PTPRG: variants seen among roughly 807,000 people sequenced by gnomAD.
The protein encoded by PTPRG is protein tyrosine phosphatase receptor type G.
A neutral mutation model predicts 165.3 loss-of-function variants in PTPRG; 102 were observed. The ratio of observed to expected loss-of-function variants is 0.62; its 90% CI spans 0.53 to 0.73. PTPRG has a LOEUF of 0.73. PTPRG is among the 30% of genes least tolerant of loss of function. PTPRG has a pLI of 0.00. For synonymous variants in PTPRG, 675 were observed against 669.5 expected (o/e 1.01, Z -0.13); for missense variants, 1,866 against 1,861.4 (o/e 1.00, Z -0.05).
chr3:62,157,358 C>A, intron 7 of PTPRG, 134 bp downstream of exon 7: 1 of 930,576 alleles, frequency 1.1e-6, no homozygotes, highest in Non-Finnish European at 1.5e-6. Context: ...TGCAGTCTTT[C>A]CCACAAACAT....
intron 4 of PTPRG, among the ~76,000 whole-genome samples, chr3:62,037,362 C>T (rs1039104101): frequency 1.3e-5 from 2 of 152,182 alleles, no homozygotes; most frequent in Admixed American, 6.5e-5. Context: ...TCATTTCTTA[C>T]CTTTAATCTA....
chr3:61,811,804 C>T (rs975446441), intron 2 of PTPRG, among the ~76,000 whole-genome samples: 5 of 152,100 alleles, frequency 3.3e-5, no homozygotes, highest in Non-Finnish European at 7.4e-5. Flanking sequence ...ATAAAAATTC[C>T]CTCAAGAGTG....
chr3:62,095,919 C>G (rs1702092996), intron 5 of PTPRG, among the ~76,000 whole-genome samples: 1 of 152,088 alleles, frequency 6.6e-6, no homozygotes. Context: ...AGAAAGCCCT[C>G]AAGGCTCAAG....
intron 2 of PTPRG, among the ~76,000 whole-genome samples, chr3:61,954,639 G>C (rs1049177712): frequency 6.6e-6 from 1 of 152,136 alleles, no homozygotes. Flanking sequence ...CGAAGCCAGG[G>C]GGAGAATTTA....
At chr3:61,962,148 C>T (rs1370635748) in intron 2 of PTPRG, among the ~76,000 whole-genome samples, 1 of 152,106 alleles carries the variant, frequency 6.6e-6, no homozygotes, top group African/African-American at 2.4e-5. Context: ...CTTCTCTAAG[C>T]CTAAGAAATA....
At chr3:62,037,002 C>CACACAG (rs1699966957) in intron 4 of PTPRG, among the ~76,000 whole-genome samples, 1 of 151,880 alleles carries the variant, frequency 6.6e-6, no homozygotes, top group South Asian at 2.1e-4. Context: ...CACACACACA[C>CACACAG]ACACACAGTG....
At chr3:61,883,862 C>A (rs1287004525) in intron 2 of PTPRG, among the ~76,000 whole-genome samples, 1 of 152,096 alleles carries the variant, frequency 6.6e-6, no homozygotes, top group Non-Finnish European at 1.5e-5. Context: ...TAGGCATGTA[C>A]CAGCATACCT....
At chr3:61,721,558 T>C (rs1358148121) in intron 1 of PTPRG, among the ~76,000 whole-genome samples, 1 of 152,222 alleles carries the variant, frequency 6.6e-6, no homozygotes, top group African/African-American at 2.4e-5. Flanking sequence ...TGGAATATTA[T>C]ACAATAATTT....
chr3:61,578,367 A>G (rs566904114), intron 1 of PTPRG, among the ~76,000 whole-genome samples: 5 of 152,310 alleles, frequency 3.3e-5, no homozygotes, highest in African/African-American at 1.2e-4. Flanking sequence ...TTATAATTTC[A>G]TGTATTTCAT....
chr3:62,201,084 C>A (rs1020862885), intron 10 of PTPRG, among the ~76,000 whole-genome samples: 1 of 152,092 alleles, frequency 6.6e-6, no homozygotes, highest in African/African-American at 2.4e-5. Context: ...ACAGGTACAC[C>A]TTTTCTCTAG....
chr3:62,146,001 T>G (rs1704106509), intron 6 of PTPRG, among the ~76,000 whole-genome samples: 1 of 152,210 alleles, frequency 6.6e-6, no homozygotes. Flanking sequence ...GGTCATTGAC[T>G]GAGCATCAAA....
intron 1 of PTPRG, among the ~76,000 whole-genome samples, chr3:61,670,319 A>G (rs1021510983): frequency 2.0e-5 from 3 of 152,192 alleles, no homozygotes; most frequent in African/African-American, 7.2e-5. Flanking sequence ...TCAGGCCAGC[A>G]AGGTGTCATC....
chr3:61,737,573 C>G (rs2032765344), intron 1 of PTPRG, among the ~76,000 whole-genome samples: 1 of 152,106 alleles, frequency 6.6e-6, no homozygotes. Context: ...GAGTGGCTGA[C>G]CAGCTAGGGT....
chr3:62,157,649 C>T (rs1704590198), intron 7 of PTPRG, among the ~76,000 whole-genome samples: 1 of 152,138 alleles, frequency 6.6e-6, no homozygotes. Flanking sequence ...AGGTGCTGTG[C>T]ATACCCCCAT....
At chr3:62,168,695 C>T (rs1213304518) in intron 8 of PTPRG, among the ~76,000 whole-genome samples, 1 of 152,132 alleles carries the variant, frequency 6.6e-6, no homozygotes, top group Non-Finnish European at 1.5e-5. Context: ...GGGGCTCTGG[C>T]ACTAGGGTTA....
intron 1 of PTPRG, among the ~76,000 whole-genome samples, chr3:61,718,383 A>AATGCC (rs2031907124): frequency 6.6e-6 from 1 of 152,170 alleles, no homozygotes; most frequent in Non-Finnish European, 1.5e-5. Context: ...TGAATGGAAA[A>AATGCC]ATGCCAGGTT....
chr3:61,627,011 GA>G (rs955188613), intron 1 of PTPRG, among the ~76,000 whole-genome samples: 2 of 152,158 alleles, frequency 1.3e-5, no homozygotes, highest in African/African-American at 4.8e-5. Context: ...AAGAGGCAGA[GA>G]AAAGCCTTTG....
Position 62,271,343 on chromosome 3 carries a change from C to T in PTPRG, c.3010-40C>T. On this transcript the variant is annotated intron_variant, in intron 20 of 29. Coordinates refer to ENST00000474889, the MANE Select transcript of PTPRG (RefSeq NM_002841.4). The surrounding 1 kb of genome is among the most constrained non-coding windows in gnomAD (Gnocchi z 4.1). ...ACATTATTTTTTTCCAGAATGTCCACCCCCCCGCTTAAAGACATCTTTTTT... is the reference window on the plus strand; with the variant it reads ...ACATTATTTTTTTCCAGAATGTCCATCCCCCCGCTTAAAGACATCTTTTTT... 6.7e-7 allele frequency: 1 copy of T among 1,497,084 alleles called. No individual in the cohort carries two copies. 92.7% of individuals were successfully genotyped at this position (1,497,084 alleles called of 1,614,324 possible). A position where few individuals can be genotyped will look rare whatever the true frequency, so the allele number is the denominator to read the frequency against.
chr3:62,175,251 C>G (rs1428134285), intron 8 of PTPRG, among the ~76,000 whole-genome samples: 1 of 152,150 alleles, frequency 6.6e-6, no homozygotes, highest in Non-Finnish European at 1.5e-5. Flanking sequence ...TTTCATATGT[C>G]AGACATTTTT....
Sources: gnomAD v4.1 joint callset for allele counts (sites outside exome capture counted in the v4.1 genomes callset) on GRCh38, gnomAD v4.1.1 for gene constraint, Gnocchi (gnomAD v3.1) non-coding constraint, MANE v1.5 for transcripts, NCBI Gene and HGNC (gene_info 2026-07-23, HGNC 2026-07-21) for gene names.